CTNNA2: variants seen among roughly 807,000 people sequenced by gnomAD.
CTNNA2 encodes the protein catenin alpha 2.
CTNNA2 carries 42 observed loss-of-function variants against 101.0 expected under a neutral mutation model. That is an observed-to-expected ratio of 0.42 (90% CI 0.32 to 0.54). CTNNA2 has a LOEUF of 0.54. Ranked by LOEUF, CTNNA2 falls within the 20% of genes least tolerant of loss-of-function variation. The pLI is 0.14. For synonymous variants in CTNNA2, 450 were observed against 456.4 expected, an observed-to-expected ratio of 0.99 and a Z score of 0.18; for missense variants, 871 against 1,223.1, an observed-to-expected ratio of 0.71 and a Z score of 4.29.
chr2:79,961,202 C>T (rs1689602482), intron 7 of CTNNA2, among the ~76,000 whole-genome samples: 1 of 152,180 alleles, frequency 6.6e-6, no homozygotes, highest in Admixed American at 6.5e-5. Context: ...GTATAATGTG[C>T]TGTTCTGTGA....
chr2:80,201,166 AT>A (rs1707183065), intron 7 of CTNNA2, among the ~76,000 whole-genome samples: 3 of 151,772 alleles, frequency 2.0e-5, no homozygotes, highest in African/African-American at 7.3e-5. Flanking sequence ...TTTTATTTGT[AT>A]TATTTTTATT....
intron 9 of CTNNA2, among the ~76,000 whole-genome samples, chr2:80,462,627 C>CTTTTTTTTTTTTTTTTTTTTTTTTTTTTT (rs1161384853): frequency 8.7e-6 from 1 of 114,376 alleles, no homozygotes; most frequent in African/African-American, 3.7e-5. Context: ...TTCTTTCTTT[C>CTTTTTTTTTTTTTTTTTTTTTTTTTTTTT]TTTCTTTTTT....
At chr2:80,307,055 A>T (rs1464234701) in intron 7 of CTNNA2, among the ~76,000 whole-genome samples, 1 of 148,302 alleles carries the variant, frequency 6.7e-6, no homozygotes, top group Non-Finnish European at 1.5e-5. Flanking sequence ...TTATATATAT[A>T]TATTATATAT....
chr2:80,477,996 T>G (rs1401275126), intron 9 of CTNNA2, among the ~76,000 whole-genome samples: 1 of 152,118 alleles, frequency 6.6e-6, no homozygotes, highest in Admixed American at 6.6e-5. Context: ...GTCGTACTAA[T>G]TTACTTTCTC....
chr2:80,168,769 T>A (rs1281149244), intron 7 of CTNNA2, among the ~76,000 whole-genome samples: 3 of 151,536 alleles, frequency 2.0e-5, no homozygotes, highest in Admixed American at 6.6e-5. Flanking sequence ...GGTATATGTA[T>A]TTTTTTTTCA....
chr2:79,743,321 A>G (rs185610443), intron 2 of CTNNA2, among the ~76,000 whole-genome samples: 1 of 152,206 alleles, frequency 6.6e-6, no homozygotes, highest in Non-Finnish European at 1.5e-5. Context: ...CTCAAAAGAT[A>G]TTAATAGCCT....
At chr2:80,168,760 G>A (rs1271961702) in intron 7 of CTNNA2, among the ~76,000 whole-genome samples, 1 of 152,004 alleles carries the variant, frequency 6.6e-6, no homozygotes, top group Non-Finnish European at 1.5e-5. Flanking sequence ...GTGGGACCAG[G>A]TATATGTATT....
chr2:79,866,036 G>A (rs1682069013), intron 4 of CTNNA2, among the ~76,000 whole-genome samples: 1 of 152,172 alleles, frequency 6.6e-6, no homozygotes, highest in African/African-American at 2.4e-5. Context: ...TTATGTTGAA[G>A]TAAGTAAGTA....
intron 5 of CTNNA2, among the ~76,000 whole-genome samples, chr2:79,872,856 T>G (rs867833326): frequency 1.5e-5 from 2 of 135,922 alleles, no homozygotes; most frequent in African/African-American, 3.1e-5. Context: ...AAGAATATTC[T>G]CCCAGAGATA....
At chr2:80,298,860 G>C (rs1022672217) in intron 7 of CTNNA2, 6 of 152,260 alleles carry the variant, frequency 3.9e-5, no homozygotes, top group Non-Finnish European at 7.4e-5. Flanking sequence ...TAATATCAAG[G>C]CTAAGATCTG....
chr2:80,561,160 T>A (rs1210695565), intron 12 of CTNNA2, among the ~76,000 whole-genome samples: 1 of 152,130 alleles, frequency 6.6e-6, no homozygotes, highest in Admixed American at 6.6e-5. Flanking sequence ...GACTGGAGTA[T>A]GAGATTGATG....
chr2:80,586,927 T>C (rs1696025258), intron 14 of CTNNA2, among the ~76,000 whole-genome samples: 1 of 152,126 alleles, frequency 6.6e-6, no homozygotes, highest in South Asian at 2.1e-4. Flanking sequence ...TCAGACACCA[T>C]AGGCAACTCA....
At position 79,908,937 on chromosome 2, in the gene CTNNA2, T is replaced by C. The variant is rs576789759; in HGVS notation, c.853-657T>C. Among the ~76,000 whole-genome samples, 2 of 152,340 alleles carry C rather than the reference T, an allele frequency of 1.3e-5. 1 individual carries two copies. Among genetic ancestry groups the C allele is most frequent in the African/African-American group, 4.8e-5 (2 of 41,584 alleles). ...GCTCATGTTCTATGTGACGCCTTCC[T>C]TTTAGGAAATATCACTATTTTCCTC... On this transcript the variant is annotated intron_variant, in intron 6 of 18. Coordinates refer to ENST00000402739, the MANE Select transcript of CTNNA2 (RefSeq NM_001282597.3).
intron 7 of CTNNA2, among the ~76,000 whole-genome samples, chr2:79,926,766 A>G (rs2104402313): frequency 6.6e-6 from 1 of 151,964 alleles, no homozygotes; most frequent in East Asian, 1.9e-4. Flanking sequence ...ATTGAGTGTT[A>G]TGTTTTGGGA....
intron 8 of CTNNA2, among the ~76,000 whole-genome samples, chr2:80,405,838 C>T (rs987905419): frequency 6.6e-6 from 1 of 152,112 alleles, no homozygotes; most frequent in Non-Finnish European, 1.5e-5. Context: ...CTCTTTGATC[C>T]AACCATAAAT....
At chr2:79,255,791 G>C (rs1394844682) in intron 2 of CTNNA2, among the ~76,000 whole-genome samples, 1 of 152,092 alleles carries the variant, frequency 6.6e-6, no homozygotes, top group Admixed American at 6.6e-5. Context: ...CATAAATATG[G>C]GATTTGACAA....
At chr2:80,241,713 A>G (rs963185695) in intron 7 of CTNNA2, among the ~76,000 whole-genome samples, 23 of 152,136 alleles carry the variant, frequency 1.5e-4, no homozygotes, top group African/African-American at 5.6e-4. Context: ...CTCTAGGTTA[A>G]TGATATTCTG....
intron 9 of CTNNA2, among the ~76,000 whole-genome samples, chr2:80,537,897 T>C (rs993302456): frequency 2.6e-5 from 4 of 152,102 alleles, no homozygotes; most frequent in Admixed American, 2.6e-4. Context: ...CCGCCCTGTT[T>C]CCTGACTTTT....
At chr2:79,698,438 A>G (rs759758728) in intron 2 of CTNNA2, among the ~76,000 whole-genome samples, 3 of 151,922 alleles carry the variant, frequency 2.0e-5, no homozygotes, top group Non-Finnish European at 4.4e-5. Flanking sequence ...TTTGTGTTTC[A>G]AATTTGAAAT....
Sources: gnomAD v4.1 joint callset for allele counts (sites outside exome capture counted in the v4.1 genomes callset) on GRCh38, gnomAD v4.1.1 for gene constraint, MANE v1.5 for transcripts, NCBI Gene and HGNC (gene_info 2026-07-23, HGNC 2026-07-21) for gene names.